The following HDAC9 variants were observed in gnomAD, a reference collection of about 807,000 sequenced individuals.
The protein encoded by HDAC9 is histone deacetylase 9, also known as MEF-2 interacting transcription repressor (MITR) protein.
HDAC9 carries 41 observed loss-of-function variants against 139.4 expected under a neutral mutation model. The observed-to-expected ratio is 0.29, with a 90% CI of 0.23 to 0.38. The LOEUF (loss-of-function observed/expected upper bound fraction) is 0.38. Among genes scored for constraint, HDAC9 ranks in the 10% least tolerant of loss-of-function variants. The pLI is 1.00. For synonymous variants in HDAC9, 517 were observed against 476.2 expected (o/e 1.09, Z -1.12); for missense variants, 1,147 against 1,297.0 (o/e 0.88, Z 1.78).
At chr7:18,771,422 A>T (rs981514982) in intron 16 of HDAC9, among the ~76,000 whole-genome samples, 6 of 152,104 alleles carry the variant, frequency 3.9e-5, no homozygotes, top group Admixed American at 6.6e-5. Flanking sequence ...TTTCAGTTGT[A>T]TATCAACTAT....
intron 25 of HDAC9, among the ~76,000 whole-genome samples, chr7:18,992,821 T>C (rs1585515131): frequency 6.7e-6 from 1 of 150,152 alleles, no homozygotes; most frequent in East Asian, 1.9e-4. Context: ...CACTGTGACA[T>C]TGACTTGCTG....
At chr7:18,581,578 T>C (rs948622320) in intron 2 of HDAC9, among the ~76,000 whole-genome samples, 1 of 152,226 alleles carries the variant, frequency 6.6e-6, no homozygotes, top group Admixed American at 6.5e-5. Flanking sequence ...CAGGGTCTCT[T>C]GAATTTTTAC....
chr7:18,730,500 TAC>T (rs1026388537), intron 13 of HDAC9, among the ~76,000 whole-genome samples: 1 of 152,228 alleles, frequency 6.6e-6, no homozygotes, highest in African/African-American at 2.4e-5. Context: ...TCTTTAGGAA[TAC>T]AGTAGACCTT....
chr7:18,236,967 G>A (rs566704428), intron 2 of HDAC9, among the ~76,000 whole-genome samples: 2 of 152,286 alleles, frequency 1.3e-5, no homozygotes, highest in African/African-American at 4.8e-5. Flanking sequence ...GACTTTCTCA[G>A]TTTTAACAAA....
At chr7:18,722,272 A>T (rs941425160) in intron 12 of HDAC9, among the ~76,000 whole-genome samples, 1 of 152,244 alleles carries the variant, frequency 6.6e-6, no homozygotes, top group Middle Eastern at 3.2e-3. Context: ...TCAATAGAGA[A>T]TATGTAAAAT....
At chr7:18,186,302 G>T (rs548087310) in intron 2 of HDAC9, among the ~76,000 whole-genome samples, 220 of 152,286 alleles carry the variant, frequency 1.4e-3, no homozygotes, top group African/African-American at 5.1e-3. Context: ...TTCTTTACAG[G>T]GACGTTTTCC....
chr7:18,563,666 A>G (rs1056553249), intron 2 of HDAC9, among the ~76,000 whole-genome samples: 1 of 152,024 alleles, frequency 6.6e-6, no homozygotes, highest in African/African-American at 2.4e-5. Context: ...GTATTTGCCC[A>G]TATCATACTC....
chr7:18,399,071 T>A (rs1475725226), intron 1 of HDAC9, among the ~76,000 whole-genome samples: 2 of 152,208 alleles, frequency 1.3e-5, no homozygotes, highest in Non-Finnish European at 2.9e-5. Context: ...GGATTTCTTT[T>A]CCTTTGCCCA....
chr7:18,277,999 G>C (rs1796857893), intron 2 of HDAC9, among the ~76,000 whole-genome samples: 2 of 152,154 alleles, frequency 1.3e-5, no homozygotes, highest in Admixed American at 1.3e-4. Context: ...TGCTTCTTCA[G>C]CTAGTGACAT....
intron 13 of HDAC9, among the ~76,000 whole-genome samples, chr7:18,746,715 C>A (rs551389301): frequency 0.034 from 5,135 of 152,234 alleles, 284 homozygotes; most frequent in African/African-American, 0.12. Flanking sequence ...CTCATTAAAA[C>A]ATATTTTTTG....
chr7:18,584,172 G>A (rs908477998), intron 2 of HDAC9, among the ~76,000 whole-genome samples: 2 of 106,770 alleles, frequency 1.9e-5, no homozygotes, highest in Admixed American at 1.4e-4. Flanking sequence ...AGACAGTCTC[G>A]CTCTGTCACC....
intron 9 of HDAC9, among the ~76,000 whole-genome samples, chr7:18,647,239 T>C (rs530501306): frequency 1.3e-5 from 2 of 152,304 alleles, no homozygotes; most frequent in East Asian, 1.9e-4. Flanking sequence ...TTTCCACTTA[T>C]TAAGCCTGAA....
At chr7:18,318,988 C>T (rs966558942) in intron 1 of HDAC9, among the ~76,000 whole-genome samples, 2 of 152,164 alleles carry the variant, frequency 1.3e-5, no homozygotes, top group African/African-American at 2.4e-5. Context: ...CAGACCTCCT[C>T]AGTCAGAATC....
chr7:18,365,955 T>G (rs1227183832), intron 1 of HDAC9, among the ~76,000 whole-genome samples: 6 of 151,856 alleles, frequency 4.0e-5, no homozygotes, highest in South Asian at 2.1e-4. Context: ...TTCAGTTGTT[T>G]TTTTTTTTCT....
At position 18,740,052 on chromosome 7, in the gene HDAC9, C is replaced by T. The variant is rs192828824; in HGVS notation, c.1910-8953C>T. On this transcript the variant is annotated intron_variant, in intron 13 of 25. Transcript: ENST00000686413. ...TGCTCTGCTAGCACTGAGCAAGGCT[C>T]TATGAGCGTGGGACCTGCCAAGCCA... 1.4e-4 allele frequency among the ~76,000 whole-genome samples: 21 copies of T among 152,342 alleles called. No homozygotes were observed. In the East Asian group the frequency reaches 2.9e-3, roughly 21 times the overall value.
intron 2 of HDAC9, among the ~76,000 whole-genome samples, chr7:18,238,968 G>A (rs779745226): frequency 6.6e-6 from 1 of 152,142 alleles, no homozygotes; most frequent in African/African-American, 2.4e-5. Context: ...ATGTTTACAA[G>A]TTGTTTTCCC....
intron 2 of HDAC9, among the ~76,000 whole-genome samples, chr7:18,171,781 T>TC (rs1437011409): frequency 6.6e-6 from 1 of 152,200 alleles, no homozygotes; most frequent in Non-Finnish European, 1.5e-5. Flanking sequence ...CAGCCTTGCA[T>TC]CCCAGGGATG....
chr7:18,431,546 G>A lies in HDAC9; in HGVS notation c.-41-64716G>A, dbSNP rs149225740. Among the ~76,000 whole-genome samples the A allele has an allele frequency of 7.7e-3, 1,178 of 152,220 alleles. 19 individuals carry two copies. Among genetic ancestry groups the A allele is most frequent in the African/African-American group, 0.026 (1,087 of 41,536 alleles). Reference sequence around the variant, plus strand: ...GTATTATTTCCCCAACAACCCTGAGGACTTCAATTCAAGGAATAGCCAAAT... The same window carrying A: ...GTATTATTTCCCCAACAACCCTGAGAACTTCAATTCAAGGAATAGCCAAAT... On this transcript the variant is annotated intron_variant, in intron 1 of 3. Coordinates refer to the HDAC9 transcript ENST00000413509.
intron 22 of HDAC9, 69 bp from the exon 23 acceptor site, chr7:18,935,740 A>G: frequency 7.1e-7 from 1 of 1,401,026 alleles, no homozygotes; most frequent in Non-Finnish European, 1.0e-6. Context: ...ATACATGCTC[A>G]ATGTTAGATT....
Sources: allele counts gnomAD v4.1 joint callset (sites outside exome capture counted in the v4.1 genomes callset), GRCh38; gene constraint gnomAD v4.1.1; transcripts MANE v1.5; gene names NCBI Gene and HGNC (gene_info 2026-07-23, HGNC 2026-07-21).